PTPRN2: variants seen among roughly 807,000 people sequenced by gnomAD.
The protein encoded by PTPRN2 is receptor-type tyrosine-protein phosphatase N2.
PTPRN2 carries 74 observed loss-of-function variants against 118.8 expected under a neutral mutation model. The ratio of observed to expected loss-of-function variants is 0.62; its 90% CI spans 0.52 to 0.76. PTPRN2 has a LOEUF of 0.76. Among genes scored for constraint, PTPRN2 ranks in the 30% least tolerant of loss-of-function variants. The pLI, the probability that PTPRN2 is intolerant of heterozygous loss-of-function variation, is 0.00. For missense variants in PTPRN2, 1,481 were observed against 1,394.4 expected (o/e 1.06, Z -0.99); for synonymous variants, 641 against 608.0 (o/e 1.05, Z -0.80).
At chr7:157,832,097 G>T (rs1286029821) in intron 12 of PTPRN2, among the ~76,000 whole-genome samples, 1 of 152,188 alleles carries the variant, frequency 6.6e-6, no homozygotes, top group Admixed American at 6.5e-5. Flanking sequence ...AGCAGCGCCC[G>T]GAAGCTCGGA....
chr7:158,374,609 C>T (rs939467469), intron 2 of PTPRN2, among the ~76,000 whole-genome samples: 4 of 152,176 alleles, frequency 2.6e-5, no homozygotes, highest in African/African-American at 9.7e-5. Flanking sequence ...GGGTTTGAAA[C>T]ATGGCGCATC....
At chr7:157,563,791 C>T (rs1799342382) in intron 21 of PTPRN2, among the ~76,000 whole-genome samples, 1 of 151,968 alleles carries the variant, frequency 6.6e-6, no homozygotes, top group Admixed American at 6.5e-5. Flanking sequence ...CACATCACCA[C>T]ACACAGCAGA....
At chr7:157,967,044 G>A (rs1430867917) in intron 11 of PTPRN2, among the ~76,000 whole-genome samples, 1 of 152,242 alleles carries the variant, frequency 6.6e-6, no homozygotes, top group African/African-American at 2.4e-5. Context: ...GGCTGGCTGG[G>A]TGCAGTGGCT....
chr7:158,017,661 G>A (rs1018175703), intron 11 of PTPRN2, among the ~76,000 whole-genome samples: 12 of 152,186 alleles, frequency 7.9e-5, no homozygotes, highest in Non-Finnish European at 1.6e-4. Context: ...GAACAGGAGG[G>A]AATGACTGAC....
chr7:157,815,851 C>T (rs1212807607), intron 12 of PTPRN2, among the ~76,000 whole-genome samples: 1 of 152,254 alleles, frequency 6.6e-6, no homozygotes, highest in African/African-American at 2.4e-5. Context: ...ACACTCTGCA[C>T]ACGCTCAGGC....
At chr7:158,267,943 T>C (rs1396773040) in intron 3 of PTPRN2, among the ~76,000 whole-genome samples, 2 of 152,220 alleles carry the variant, frequency 1.3e-5, no homozygotes, top group African/African-American at 4.8e-5. Flanking sequence ...GAGAAGCTGA[T>C]GCAGTTGACT....
intron 11 of PTPRN2, among the ~76,000 whole-genome samples, chr7:158,040,363 G>GCA (rs776958430): frequency 2.6e-5 from 4 of 150,976 alleles, no homozygotes; most frequent in South Asian, 2.1e-4. Context: ...ATATACACAT[G>GCA]CACACACACA....
rs1272901796 is a variant in PTPRN2, at chr7:157,539,589, G to A, written c.*1125C>T. 6.6e-6 allele frequency: 1 copy of A among 152,254 alleles called. No homozygotes were observed. The highest frequency in any genetic ancestry group is 1.5e-5 in the Non-Finnish European group (1 of 68,044). 9.4% of individuals were successfully genotyped at this position (152,254 alleles called of 1,614,324 possible). ...CATCTCTACGTGCTTAGGTTTACAT[G>A]ATGTCAAAACACGTGGTTCATTAAG... On this transcript the variant is annotated 3_prime_UTR_variant, in exon 23 of 23. Transcript: ENST00000389418.
chr7:158,465,560 T>C (rs1467473278), intron 2 of PTPRN2, among the ~76,000 whole-genome samples: 1 of 152,216 alleles, frequency 6.6e-6, no homozygotes, highest in Non-Finnish European at 1.5e-5. Context: ...ACATTAAATC[T>C]TACTACAAAG....
At chr7:158,513,321 A>C (rs1823308849) in intron 1 of PTPRN2, among the ~76,000 whole-genome samples, 1 of 152,232 alleles carries the variant, frequency 6.6e-6, no homozygotes, top group Admixed American at 6.5e-5. Flanking sequence ...AAAGCCAAGG[A>C]AAGTCTGAGA....
intron 2 of PTPRN2, among the ~76,000 whole-genome samples, chr7:158,423,164 T>C (rs1013897836): frequency 3.9e-5 from 6 of 152,336 alleles, no homozygotes; most frequent in Admixed American, 3.3e-4. Context: ...CCTTGATCCG[T>C]GAATAAACTG....
At chr7:158,346,785 A>G (rs1319668079) in intron 2 of PTPRN2, among the ~76,000 whole-genome samples, 1 of 152,202 alleles carries the variant, frequency 6.6e-6, no homozygotes, top group Non-Finnish European at 1.5e-5. Context: ...CTTTTTAATA[A>G]TAGCCATTCT....
chr7:157,945,651 ACG>A (rs1800434584), intron 11 of PTPRN2, among the ~76,000 whole-genome samples: 1 of 150,882 alleles, frequency 6.6e-6, no homozygotes, highest in Non-Finnish European at 1.5e-5. Flanking sequence ...TCCAAGTCAG[ACG>A]ATGCCGCCTC....
intron 2 of PTPRN2, among the ~76,000 whole-genome samples, chr7:158,330,087 C>A (rs1804069379): frequency 2.0e-5 from 3 of 149,236 alleles, no homozygotes; most frequent in Admixed American, 6.8e-5. Flanking sequence ...CTGACACCTG[C>A]AGACGTCACT....
intron 12 of PTPRN2, chr7:157,866,096 G>A (rs1810647422): frequency 6.6e-6 from 1 of 152,218 alleles, no homozygotes; most frequent in Non-Finnish European, 1.5e-5. Context: ...GAGAAAATGG[G>A]AGTCAAATGC....
intron 12 of PTPRN2, among the ~76,000 whole-genome samples, chr7:157,840,825 G>T (rs1808365782): frequency 6.6e-6 from 1 of 152,210 alleles, no homozygotes; most frequent in Non-Finnish European, 1.5e-5. Flanking sequence ...CTGAAGAGGA[G>T]CCCCGTCCTC....
chr7:157,953,400 C>T lies in PTPRN2; in HGVS notation c.1724-54663G>A, dbSNP rs1800959939. 2.0e-5 allele frequency among the ~76,000 whole-genome samples: 3 copies of T among 152,064 alleles called. No homozygotes were observed. Among genetic ancestry groups the T allele is most frequent in the South Asian group, 2.1e-4 (1 of 4,820 alleles). The stretch of plus-strand genomic sequence containing the variant: ...TCAGGAGCAGGGGCTGGCGGCACTC[C>T]CCGGGCACAGAGGGAACGGCCTGGG... On this transcript the variant is annotated intron_variant, in intron 11 of 22. Transcript: ENST00000389418. The surrounding 1 kb of genome is among the most constrained non-coding windows in gnomAD (Gnocchi z 4.6).
chr7:158,355,746 G>T (rs546636475), intron 2 of PTPRN2, among the ~76,000 whole-genome samples: 4 of 152,244 alleles, frequency 2.6e-5, no homozygotes, highest in Non-Finnish European at 5.9e-5. Flanking sequence ...GAGAATCTGC[G>T]TGCACAGGAG....
chr7:157,963,864 CTTTTG>C (rs1028566253), intron 11 of PTPRN2, among the ~76,000 whole-genome samples: 23 of 152,234 alleles, frequency 1.5e-4, no homozygotes, highest in South Asian at 1.0e-3. Context: ...TCATTAAATC[CTTTTG>C]TTTTGTTTTA....
Sources: gnomAD v4.1 joint callset for allele counts (sites outside exome capture counted in the v4.1 genomes callset) on GRCh38, gnomAD v4.1.1 for gene constraint, Gnocchi (gnomAD v3.1) non-coding constraint, MANE v1.5 for transcripts, NCBI Gene and HGNC (gene_info 2026-07-23, HGNC 2026-07-21) for gene names.